FRMD3: variants seen among roughly 807,000 people sequenced by gnomAD.
FRMD3 encodes FERM domain-containing protein 3.
A neutral mutation model predicts 70.2 loss-of-function variants in FRMD3; 33 were observed. The observed-to-expected ratio is 0.47, with a 90% CI of 0.36 to 0.63. The LOEUF is 0.63. Among genes scored for constraint, FRMD3 ranks in the 20% least tolerant of loss-of-function variants. The probability of loss-of-function intolerance (pLI) is 0.00; values close to 1 mark genes in which losing one functional copy is unlikely to be tolerated. For synonymous variants in FRMD3, 279 were observed against 255.9 expected (o/e 1.09, Z -0.86); for missense variants, 632 against 711.4 (o/e 0.89, Z 1.27).
At chr9:83,314,847 T>C (rs557006212) in intron 6 of FRMD3, among the ~76,000 whole-genome samples, 2 of 152,256 alleles carry the variant, frequency 1.3e-5, no homozygotes, top group South Asian at 4.1e-4. Context: ...CCACTCTCTC[T>C]CTCTCCCACT....
At chr9:83,393,775 C>A (rs1041150510) in intron 1 of FRMD3, among the ~76,000 whole-genome samples, 2 of 152,082 alleles carry the variant, frequency 1.3e-5, no homozygotes, top group African/African-American at 4.8e-5. Context: ...GGATGGGGAG[C>A]AGCTGTAAAT....
At chr9:83,414,548 A>C (rs1347836159) in intron 1 of FRMD3, among the ~76,000 whole-genome samples, 3 of 152,344 alleles carry the variant, frequency 2.0e-5, no homozygotes, top group Non-Finnish European at 4.4e-5. Context: ...TGAAGAACCA[A>C]GCTACAAGCT....
chr9:83,283,296 C>T (rs1834042868), intron 13 of FRMD3, among the ~76,000 whole-genome samples: 1 of 151,880 alleles, frequency 6.6e-6, no homozygotes, highest in Non-Finnish European at 1.5e-5. Flanking sequence ...TTTGGGAGGC[C>T]AAGGCGGGTG....
chr9:83,277,127 G>A (rs1833820046), intron 13 of FRMD3, among the ~76,000 whole-genome samples: 1 of 152,148 alleles, frequency 6.6e-6, no homozygotes, highest in Non-Finnish European at 1.5e-5. Flanking sequence ...ATATTTATGT[G>A]GTAGAATATT....
the FRMD3 span, among the ~76,000 whole-genome samples, chr9:83,550,150 C>T: frequency 2.6e-5 from 4 of 152,066 alleles, no homozygotes; most frequent in Non-Finnish European, 4.4e-5. Flanking sequence ...ATGGGTCCAG[C>T]TTCAATCTTC....
chr9:83,492,105 A>G (rs1272860595), intron 1 of FRMD3, among the ~76,000 whole-genome samples: 1 of 152,210 alleles, frequency 6.6e-6, no homozygotes, highest in Non-Finnish European at 1.5e-5. Context: ...CATAGACACT[A>G]AGAGTGAATC....
the FRMD3 span, among the ~76,000 whole-genome samples, chr9:83,578,368 T>C: frequency 4.0e-5 from 6 of 151,860 alleles, no homozygotes; most frequent in Admixed American, 6.6e-5. Context: ...CAGACAAGGA[T>C]AGTACAAGAG....
chr9:83,313,597 C>A, intron 7 of FRMD3, 63 bp downstream of exon 7: 3 of 1,320,776 alleles, frequency 2.3e-6, no homozygotes, highest in South Asian at 1.2e-5. Context: ...GGCCTGCGCA[C>A]AGATAAACTC....
At chr9:83,546,623 CAATT>C in the FRMD3 span, among the ~76,000 whole-genome samples, 19 of 152,062 alleles carry the variant, frequency 1.2e-4, no homozygotes, top group African/African-American at 4.6e-4. Flanking sequence ...AACTAGGTAA[CAATT>C]AACATTATGA....
intron 12 of FRMD3, chr9:83,297,654 T>C (rs544548919): frequency 4.5e-6 from 2 of 447,940 alleles, no homozygotes; most frequent in Admixed American, 4.9e-5. Context: ...CAGGCTGCAC[T>C]TTCAGGATCT....
chr9:83,243,323 A>G, downstream of FRMD3: 1 of 1,137,546 alleles, frequency 8.8e-7, no homozygotes, highest in Non-Finnish European at 1.3e-6. Flanking sequence ...CCCTGTAGAG[A>G]GTGGCCCAGA....
intron 13 of FRMD3, chr9:83,267,135 C>T (rs1406586192): frequency 6.4e-7 from 1 of 1,550,648 alleles, no homozygotes; most frequent in South Asian, 1.2e-5. Context: ...AAGCATTTTG[C>T]CATACTGGTT....
intron 1 of FRMD3, among the ~76,000 whole-genome samples, chr9:83,464,200 A>T (rs1157795882): frequency 2.0e-5 from 3 of 152,238 alleles, no homozygotes; most frequent in Non-Finnish European, 4.4e-5. Flanking sequence ...CTCATGAATT[A>T]TTTAACAGCT....
chr9:83,424,221 G>A (rs1404617149), intron 1 of FRMD3, among the ~76,000 whole-genome samples: 1 of 152,136 alleles, frequency 6.6e-6, no homozygotes, highest in Non-Finnish European at 1.5e-5. Context: ...TGAGCTGAAT[G>A]GTAAACATGT....
At chr9:83,405,505 T>G (rs1826073911) in intron 1 of FRMD3, among the ~76,000 whole-genome samples, 2 of 151,824 alleles carry the variant, frequency 1.3e-5, no homozygotes, top group South Asian at 4.1e-4. Context: ...CTCACACCTG[T>G]AATCCCAGCA....
At chr9:83,451,263 C>A (rs1827645533) in intron 1 of FRMD3, among the ~76,000 whole-genome samples, 1 of 152,042 alleles carries the variant, frequency 6.6e-6, no homozygotes, top group Non-Finnish European at 1.5e-5. Context: ...CTTTTAATTT[C>A]TTTTCAGAGC....
At chr9:83,381,890 T>C (rs749391309) in intron 2 of FRMD3, among the ~76,000 whole-genome samples, 1 of 152,186 alleles carries the variant, frequency 6.6e-6, no homozygotes, top group Non-Finnish European at 1.5e-5. Context: ...TGAAAGCAGC[T>C]GCAGACAATA....
Position 83,335,591 on chromosome 9 carries a change from C to A in FRMD3, c.521G>T (p.Ser174Ile). Residue 174 changes from serine (S) to isoleucine (I), a missense_variant, in exon 6 of 14, where the codon AGT (serine) becomes ATT (isoleucine). By Grantham distance (142) the Ser-to-Ile change is moderately radical. Coordinates refer to ENST00000304195, the MANE Select transcript of FRMD3 (RefSeq NM_174938.6). ...CTGCTTGGGGAAAATCTCAAACTCA[C>A]TGATGTAATTCTCAGGATGCTCATC... ...DPDEHPENYI[S>I]EFEIFPKQSQ... 1 of 1,613,256 alleles carries A rather than the reference C, an allele frequency of 6.2e-7. No homozygotes were observed. Among genetic ancestry groups the A allele is most frequent in the Non-Finnish European group, 8.5e-7 (1 of 1,179,344 alleles).
intron 1 of FRMD3, among the ~76,000 whole-genome samples, chr9:83,477,063 A>G (rs1828417684): frequency 6.6e-6 from 1 of 152,176 alleles, no homozygotes; most frequent in Non-Finnish European, 1.5e-5. Flanking sequence ...AATCAACTCA[A>G]TGGTTATGAG....
Sources: allele counts gnomAD v4.1 joint callset (sites outside exome capture counted in the v4.1 genomes callset), GRCh38; gene constraint gnomAD v4.1.1; transcripts MANE v1.5; gene names NCBI Gene and HGNC (gene_info 2026-07-23, HGNC 2026-07-21).